IMMP2L: variants seen among roughly 807,000 people sequenced by gnomAD.
IMMP2L encodes the protein mitochondrial inner membrane protease subunit 2.
A neutral mutation model predicts 19.3 loss-of-function variants in IMMP2L; 18 were observed. The ratio of observed to expected loss-of-function variants is 0.93; its 90% CI spans 0.64 to 1.38. IMMP2L has a LOEUF of 1.38. Among genes scored for constraint, IMMP2L ranks in the 40% most tolerant of loss-of-function variants. IMMP2L has a pLI of 0.00. For synonymous variants in IMMP2L, 76 were observed against 73.0 expected (o/e 1.04, Z -0.21); for missense variants, 233 against 218.2 (o/e 1.07, Z -0.43).
At chr7:111,076,742 A>T (rs1034301799) in intron 3 of IMMP2L, among the ~76,000 whole-genome samples, 1 of 152,130 alleles carries the variant, frequency 6.6e-6, no homozygotes, top group Non-Finnish European at 1.5e-5. Flanking sequence ...GTGATATTTT[A>T]CCAGAGATGG....
intron 3 of IMMP2L, among the ~76,000 whole-genome samples, chr7:111,075,930 G>C (rs952228119): frequency 6.6e-6 from 1 of 152,092 alleles, no homozygotes; most frequent in African/African-American, 2.4e-5. Flanking sequence ...TTTGTTTACA[G>C]CCAATTTAAT....
intron 4 of IMMP2L, among the ~76,000 whole-genome samples, chr7:110,936,242 TATC>T (rs1816101019): frequency 6.6e-6 from 1 of 152,078 alleles, no homozygotes; most frequent in African/African-American, 2.4e-5. Context: ...CAAAAGAAAC[TATC>T]ATCAGAGTGA....
At chr7:111,416,594 C>G (rs1834977000) in intron 3 of IMMP2L, among the ~76,000 whole-genome samples, 1 of 151,638 alleles carries the variant, frequency 6.6e-6, no homozygotes, top group African/African-American at 2.4e-5. Context: ...AAGTTTTAAC[C>G]CCTGCTTTGA....
At chr7:111,212,865 C>T (rs541081132) in intron 3 of IMMP2L, among the ~76,000 whole-genome samples, 391 of 152,322 alleles carry the variant, frequency 2.6e-3, no homozygotes, top group Non-Finnish European at 4.9e-3. Flanking sequence ...CCATCTCCTG[C>T]TCTGTCCTTG....
chr7:110,808,920 T>C (rs1348782865), intron 5 of IMMP2L, among the ~76,000 whole-genome samples: 2 of 152,068 alleles, frequency 1.3e-5, no homozygotes, highest in African/African-American at 4.8e-5. Flanking sequence ...CTCGACATCA[T>C]AAAAAGTTTA....
chr7:110,965,998 A>G (rs1819506967), intron 3 of IMMP2L, among the ~76,000 whole-genome samples: 3 of 152,046 alleles, frequency 2.0e-5, no homozygotes. Context: ...GGATAGTTAA[A>G]GCATTACTGT....
At chr7:111,392,745 T>C (rs756353798) in intron 3 of IMMP2L, 1 of 456,612 alleles carries the variant, frequency 2.2e-6, no homozygotes, top group Non-Finnish European at 4.4e-6. Flanking sequence ...CTCCCCTCAC[T>C]TCAGGTTCAG....
intron 3 of IMMP2L, among the ~76,000 whole-genome samples, chr7:111,053,791 A>C (rs1000642034): frequency 6.6e-6 from 1 of 152,232 alleles, no homozygotes; most frequent in Non-Finnish European, 1.5e-5. Context: ...TCTGCTATAA[A>C]TAAGTGTATC....
At chr7:110,715,962 T>C (rs1013479175) in intron 5 of IMMP2L, among the ~76,000 whole-genome samples, 3 of 152,150 alleles carry the variant, frequency 2.0e-5, no homozygotes, top group South Asian at 2.1e-4. Flanking sequence ...TGCTTATATA[T>C]TTAGGATAGT....
At chr7:110,729,848 C>T (rs767301661) in intron 5 of IMMP2L, among the ~76,000 whole-genome samples, 3 of 151,998 alleles carry the variant, frequency 2.0e-5, no homozygotes. Context: ...ATCTGTGCAA[C>T]AAACCACCAT....
intron 5 of IMMP2L, among the ~76,000 whole-genome samples, chr7:110,669,128 G>A (rs1373876011): frequency 1.3e-5 from 2 of 150,976 alleles, no homozygotes; most frequent in African/African-American, 2.4e-5. Flanking sequence ...GAGAGAGAAA[G>A]AGAGATTTAT....
Position 111,286,401 on chromosome 7 carries a change from G to A in IMMP2L, c.239+200837C>T, listed in dbSNP as rs17158454. ...GCAATAATGACTTAACTGAGATTGC[G>A]TATTAATGACCCTCAATCTGTCAAT... On this transcript the variant is annotated intron_variant, in intron 3 of 5. Transcript: ENST00000405709. Among the ~76,000 whole-genome samples, 93 of 152,188 alleles carry A rather than the reference G, an allele frequency of 6.1e-4. 1 individual carries two copies. The East Asian group carries it at 0.017, about 28-fold the overall frequency.
At chr7:111,444,509 A>C (rs1439579215) in intron 3 of IMMP2L, among the ~76,000 whole-genome samples, 1 of 152,236 alleles carries the variant, frequency 6.6e-6, no homozygotes, top group Non-Finnish European at 1.5e-5. Flanking sequence ...TTTAATATTT[A>C]TAGTGATTAT....
intron 3 of IMMP2L, among the ~76,000 whole-genome samples, chr7:111,373,984 A>G (rs1050279695): frequency 1.3e-5 from 2 of 152,004 alleles, no homozygotes; most frequent in African/African-American, 4.8e-5. Context: ...AGGAAAAAAA[A>G]AGCCAAACAT....
intron 3 of IMMP2L, among the ~76,000 whole-genome samples, chr7:111,339,852 A>T (rs781649725): frequency 5.3e-5 from 8 of 152,042 alleles, no homozygotes; most frequent in Non-Finnish European, 1.0e-4. Flanking sequence ...AAAGGAACTG[A>T]GGCTAAAATA....
chr7:111,047,764 A>G lies in IMMP2L; in HGVS notation c.240-84199T>C, dbSNP rs1380149178. Among the ~76,000 whole-genome samples, 5 of 152,166 alleles carry G rather than the reference A, an allele frequency of 3.3e-5. 1 individual carries two copies. Among genetic ancestry groups the G allele is most frequent in the Non-Finnish European group, 7.4e-5 (5 of 68,020 alleles). On this transcript the variant is annotated intron_variant, in intron 3 of 5. Coordinates refer to ENST00000405709, the MANE Select transcript of IMMP2L (RefSeq NM_032549.4). ...TAAGGTGGTGGCTAGTTAACAACCC[A>G]GCCATTGTTGAGACATCAGTCCAAG...
rs1806041513 is a variant in IMMP2L, at chr7:110,850,046, T to G, written c.408+36547A>C. On this transcript the variant is annotated intron_variant, in intron 5 of 5. Transcript: ENST00000405709. Reference sequence around the variant, plus strand: ...AAGTATGTAGAAGATAATGAAATTTTAAAATGATATAATTGTCTACCTAGA... The same window carrying G: ...AAGTATGTAGAAGATAATGAAATTTGAAAATGATATAATTGTCTACCTAGA... Among the ~76,000 whole-genome samples the G allele has an allele frequency of 2.0e-5, 3 of 152,120 alleles. No individual in the cohort carries two copies. In the South Asian group the frequency reaches 6.2e-4, roughly 32 times the overall value.
intron 1 of IMMP2L, among the ~76,000 whole-genome samples, chr7:111,539,879 A>G (rs79386241): frequency 0.016 from 2,490 of 152,288 alleles, 64 homozygotes; most frequent in African/African-American, 0.057. Flanking sequence ...CCATTTGAAT[A>G]CAAAAATATC....
At chr7:111,524,361 G>A (rs983163034) in intron 1 of IMMP2L, among the ~76,000 whole-genome samples, 14 of 151,974 alleles carry the variant, frequency 9.2e-5, no homozygotes, top group African/African-American at 2.9e-4. Flanking sequence ...TAGTTACTAC[G>A]TAGAAGAGAA....
Sources: gnomAD v4.1 joint callset for allele counts (sites outside exome capture counted in the v4.1 genomes callset) on GRCh38, gnomAD v4.1.1 for gene constraint, MANE v1.5 for transcripts, NCBI Gene and HGNC (gene_info 2026-07-23, HGNC 2026-07-21) for gene names.